The following TENM3 variants were observed in gnomAD, a reference collection of about 807,000 sequenced individuals.
TENM3 encodes teneurin transmembrane protein 3, also known as teneurin-3.
TENM3 carries 63 observed loss-of-function variants against 255.1 expected under a neutral mutation model. The ratio of observed to expected loss-of-function variants is 0.25; its 90% CI spans 0.20 to 0.30. The LOEUF (loss-of-function observed/expected upper bound fraction) is 0.30, where lower values mean the gene tolerates loss of function less well. Among genes scored for constraint, TENM3 ranks in the 10% least tolerant of loss-of-function variants. The pLI is 1.00. For missense variants in TENM3, 2,929 were observed against 3,461.1 expected, an observed-to-expected ratio of 0.85 and a Z score of 3.86; for synonymous variants, 1,306 against 1,322.3, an observed-to-expected ratio of 0.99 and a Z score of 0.27.
the TENM3 span, among the ~76,000 whole-genome samples, chr4:181,478,197 T>G: frequency 6.6e-6 from 1 of 152,224 alleles, no homozygotes; most frequent in Non-Finnish European, 1.5e-5. Context: ...GTTTTGCTCA[T>G]GAAAAATCAG....
chr4:182,637,553 T>TA (rs1383130518), intron 5 of TENM3, among the ~76,000 whole-genome samples: 1 of 152,142 alleles, frequency 6.6e-6, no homozygotes, highest in Non-Finnish European at 1.5e-5. Flanking sequence ...AAAATAGATT[T>TA]AAAAAAATTC....
chr4:182,475,699 T>G (rs1417212461), intron 3 of TENM3, among the ~76,000 whole-genome samples: 1 of 152,204 alleles, frequency 6.6e-6, no homozygotes, highest in East Asian at 1.9e-4. Context: ...TGACAAGTAG[T>G]AGCAAGCTCA....
chr4:182,325,151 A>C (rs992127923), intron 2 of TENM3, among the ~76,000 whole-genome samples: 2 of 152,246 alleles, frequency 1.3e-5, no homozygotes, highest in African/African-American at 4.8e-5. Flanking sequence ...TCTGGAAATG[A>C]GAAAAAATAA....
At chr4:181,655,480 C>A in the TENM3 span, among the ~76,000 whole-genome samples, 1 of 150,706 alleles carries the variant, frequency 6.6e-6, no homozygotes, top group Non-Finnish European at 1.5e-5. Flanking sequence ...ATGGGGGAAA[C>A]AACTGTGAGC....
intron 3 of TENM3, among the ~76,000 whole-genome samples, chr4:182,531,385 A>T (rs1174786522): frequency 6.6e-6 from 1 of 152,186 alleles, no homozygotes; most frequent in Non-Finnish European, 1.5e-5. Context: ...CTTGCTCTGG[A>T]TGTGCTACAG....
intron 3 of TENM3, among the ~76,000 whole-genome samples, chr4:182,449,550 C>T (rs1431167748): frequency 1.3e-5 from 2 of 151,996 alleles, no homozygotes; most frequent in Admixed American, 6.6e-5. Context: ...TTTACGAATT[C>T]GTTGGGAGCT....
chr4:182,330,982 G>C (rs962589023), intron 2 of TENM3, among the ~76,000 whole-genome samples: 4 of 152,184 alleles, frequency 2.6e-5, no homozygotes, highest in Admixed American at 2.6e-4. Flanking sequence ...CTTTAGTGGA[G>C]GGAAATAATT....
the TENM3 span, among the ~76,000 whole-genome samples, chr4:181,450,328 G>C: frequency 6.6e-6 from 1 of 152,036 alleles, no homozygotes; most frequent in Non-Finnish European, 1.5e-5. Flanking sequence ...CCATATTACT[G>C]GGGTAAGTAA....
At chr4:182,566,803 GA>G (rs1560934184) in intron 3 of TENM3, among the ~76,000 whole-genome samples, 1 of 152,056 alleles carries the variant, frequency 6.6e-6, no homozygotes, top group Non-Finnish European at 1.5e-5. Flanking sequence ...GTAGATGTCA[GA>G]ATTTCTTTGA....
At chr4:182,623,779 T>A (rs1292252420) in intron 4 of TENM3, among the ~76,000 whole-genome samples, 1 of 152,156 alleles carries the variant, frequency 6.6e-6, no homozygotes, top group Non-Finnish European at 1.5e-5. Flanking sequence ...GTTTTCATGC[T>A]CTCTGTCTTT....
the TENM3 span, among the ~76,000 whole-genome samples, chr4:182,102,762 C>T: frequency 5.3e-5 from 8 of 152,164 alleles, no homozygotes; most frequent in African/African-American, 1.9e-4. Flanking sequence ...GGCCCGTTTC[C>T]TAGCCTCTGA....
intron 3 of TENM3, among the ~76,000 whole-genome samples, chr4:182,452,522 G>T (rs1773549083): frequency 6.6e-6 from 1 of 152,206 alleles, no homozygotes; most frequent in Non-Finnish European, 1.5e-5. Flanking sequence ...GCTATTAGAG[G>T]AGTGGGAGAG....
chr4:181,651,038 T>C, the TENM3 span, among the ~76,000 whole-genome samples: 1 of 152,220 alleles, frequency 6.6e-6, no homozygotes, highest in Non-Finnish European at 1.5e-5. Context: ...TCAAGCATGA[T>C]GTGTGTCTTC....
the TENM3 span, among the ~76,000 whole-genome samples, chr4:181,505,124 C>G: frequency 6.6e-6 from 1 of 152,110 alleles, no homozygotes; most frequent in Non-Finnish European, 1.5e-5. Context: ...TTGCTCTGCT[C>G]GATATCAGGT....
At chr4:182,325,025 T>C (rs1763300618) in intron 2 of TENM3, among the ~76,000 whole-genome samples, 1 of 152,176 alleles carries the variant, frequency 6.6e-6, no homozygotes, top group Non-Finnish European at 1.5e-5. Context: ...TTATATTTTG[T>C]TTCTTCTAAT....
the TENM3 span, among the ~76,000 whole-genome samples, chr4:181,942,415 G>A: frequency 6.6e-6 from 1 of 151,816 alleles, no homozygotes; most frequent in African/African-American, 2.4e-5. Flanking sequence ...CCTTCTAAGT[G>A]CCTAAAGGAC....
chr4:182,682,550 A>C (rs935152983), intron 11 of TENM3, among the ~76,000 whole-genome samples: 4 of 152,236 alleles, frequency 2.6e-5, no homozygotes, highest in African/African-American at 9.6e-5. Context: ...GTTATTGAGC[A>C]CTTACTATGT....
intron 1 of TENM3, among the ~76,000 whole-genome samples, chr4:182,160,603 C>T (rs1751073677): frequency 6.6e-6 from 1 of 152,120 alleles, no homozygotes; most frequent in South Asian, 2.1e-4. Flanking sequence ...AGACCAATAC[C>T]GTAGGATCTC....
intron 3 of TENM3, among the ~76,000 whole-genome samples, chr4:182,591,125 C>G (rs754732334): frequency 1.3e-5 from 2 of 151,808 alleles, no homozygotes; most frequent in Non-Finnish European, 2.9e-5. Context: ...TGAATTCATC[C>G]AAAAGGTAGT....
Sources: gnomAD v4.1 joint callset for allele counts (sites outside exome capture counted in the v4.1 genomes callset) on GRCh38, gnomAD v4.1.1 for gene constraint, MANE v1.5 for transcripts, NCBI Gene and HGNC (gene_info 2026-07-23, HGNC 2026-07-21) for gene names.